ZNF500: variants seen among roughly 807,000 people sequenced by gnomAD.
The protein encoded by ZNF500 is zinc finger protein with KRAB and SCAN domains 18.
In ZNF500, 31 loss-of-function variants were observed where a neutral mutation model predicts 30.1. The ratio of observed to expected loss-of-function variants is 1.03; its 90% CI spans 0.77 to 1.39. The LOEUF (loss-of-function observed/expected upper bound fraction) is 1.39, where lower values mean the gene tolerates loss of function less well. Ranked by LOEUF, ZNF500 falls within the 40% of genes most tolerant of loss-of-function variation. The probability of loss-of-function intolerance (pLI) is 0.00; values close to 1 mark genes in which losing one functional copy is unlikely to be tolerated. For missense variants in ZNF500, 817 were observed against 657.8 expected, an observed-to-expected ratio of 1.24 and a Z score of -2.65; for synonymous variants, 392 against 282.0, an observed-to-expected ratio of 1.39 and a Z score of -3.91.
intron 5 of ZNF500, among the ~76,000 whole-genome samples, chr16:4,759,455 C>G (rs1339655066): frequency 6.6e-6 from 1 of 152,132 alleles, no homozygotes; most frequent in Non-Finnish European, 1.5e-5. Flanking sequence ...CCCACGTTCA[C>G]TGCAGCATTA....
intron 1 of ZNF500, among the ~76,000 whole-genome samples, chr16:4,766,634 G>C (rs2082267645): frequency 6.6e-6 from 1 of 152,118 alleles, no homozygotes; most frequent in South Asian, 2.1e-4. Flanking sequence ...CAATCTAAAA[G>C]GGATGTTTGC....
In ZNF500 at chr16:4,762,774, T is replaced by G; in HGVS notation, c.415-18A>C. The G allele has an allele frequency of 1.3e-6, 2 of 1,569,016 alleles. No individual in the cohort carries two copies. Among genetic ancestry groups the G allele is most frequent in the Non-Finnish European group, 1.7e-6 (2 of 1,153,610 alleles). On this transcript the variant is annotated intron_variant, in intron 2 of 5. Transcript: ENST00000219478. Reference sequence around the variant, plus strand: ...TCTGAGCCCTGCACACAGACAGTGATCTCCCCACCAGCTCCCAGAAGGCCA... The same window carrying G: ...TCTGAGCCCTGCACACAGACAGTGAGCTCCCCACCAGCTCCCAGAAGGCCA...
At chr16:4,747,644 T>G (rs773993049), downstream of ZNF500, 3 of 1,589,604 alleles carry the variant, frequency 1.9e-6, no homozygotes, top group Admixed American at 5.1e-5. Flanking sequence ...GGTAGTGGGA[T>G]CCCAGGAGTG....
rs1168183321 is a variant in ZNF500, at chr16:4,751,632, A to G, written c.*744T>C. 6.5e-7 allele frequency: 1 copy of G among 1,535,356 alleles called. No individual in the cohort carries two copies. Among genetic ancestry groups the G allele is most frequent in the Non-Finnish European group, 8.7e-7 (1 of 1,146,732 alleles). ...AGCAGACGAGGGGTCCCTCAAATTC[A>G]TGTGCACCCAGACCTCAGAATGTGA... On this transcript the variant is annotated 3_prime_UTR_variant, in exon 6 of 6. Transcript: ENST00000219478.
rs776857079 is a variant in ZNF500, at chr16:4,751,283, G to A, written c.*1093C>T. 24 of 371,270 alleles carry A rather than the reference G, an allele frequency of 6.5e-5. No individual in the cohort carries two copies. Among genetic ancestry groups the A allele is most frequent in the Admixed American group, 3.0e-4 (7 of 23,280 alleles). The allele number at this position is 371,270 out of a possible 1,614,324, so 23.0% of individuals were successfully genotyped here. On this transcript the variant is annotated 3_prime_UTR_variant, in exon 6 of 6. Transcript: ENST00000219478. ...AGCACAGGCCAGACAAAAGCTGGAA[G>A]GTGAAGGCTTCTTACCTTAGAAAGA...
chr16:4,766,022 C>A lies in ZNF500; in HGVS notation c.-44G>T, dbSNP rs200287480. The A allele has an allele frequency of 6.6e-7, 1 of 1,511,768 alleles. No individual in the cohort carries two copies. The highest frequency in any genetic ancestry group is 1.4e-5 in the African/African-American group (1 of 71,864). The allele number at this position is 1,511,768 out of a possible 1,614,324, so 93.6% of individuals were successfully genotyped here. On this transcript the variant is annotated 5_prime_UTR_variant, in exon 2 of 6. Coordinates refer to ENST00000219478, the MANE Select transcript of ZNF500 (RefSeq NM_021646.4). ...TTCCTTTTCAGGCCTTAGAGTTGAACCTGTCTCTCTCTATACCTCTGGCCA... is the reference window on the plus strand; with the variant it reads ...TTCCTTTTCAGGCCTTAGAGTTGAAACTGTCTCTCTCTATACCTCTGGCCA...
At chr16:4,763,932 G>C in intron 2 of ZNF500, 1 of 985,466 alleles carries the variant, frequency 1.0e-6, no homozygotes, top group Non-Finnish European at 1.2e-6. Context: ...AAGGCAGCTG[G>C]TCAGCACTGC....
downstream of ZNF500, chr16:4,746,635 C>G: frequency 7.6e-7 from 1 of 1,311,270 alleles, no homozygotes; most frequent in Non-Finnish European, 1.0e-6. Flanking sequence ...TGGATCAATT[C>G]TCAATTGAAA....
In ZNF500 at chr16:4,751,097, A is replaced by G. The variant is rs1392297048; in HGVS notation, c.*1279T>C. On this transcript the variant is annotated 3_prime_UTR_variant, in exon 6 of 6. Transcript: ENST00000219478. ...GGATGAAGGCCAAGGCCACCTACCTATGAGGAACAACCACTGCCTGGCTGG... is the reference window on the plus strand; with the variant it reads ...GGATGAAGGCCAAGGCCACCTACCTGTGAGGAACAACCACTGCCTGGCTGG... The G allele has an allele frequency of 6.4e-6, 1 of 156,296 alleles. No homozygotes were observed. Among genetic ancestry groups the G allele is most frequent in the Non-Finnish European group, 1.4e-5 (1 of 70,994 alleles). 9.7% of individuals were successfully genotyped at this position (156,296 alleles called of 1,614,324 possible). A position where few individuals can be genotyped will look rare whatever the true frequency, so the allele number is the denominator to read the frequency against.
rs2082262686 is a variant in ZNF500, at chr16:4,766,070, C to T, written c.-92G>A. On this transcript the variant is annotated 5_prime_UTR_variant, in exon 2 of 6. Transcript: ENST00000219478. ...CCAGACACAGGAAGAGAGTTTTTTT[C>T]AGGGCCCTGTGGAGAGACGATAAAA... 1 of 1,438,442 alleles carries T rather than the reference C, an allele frequency of 7.0e-7. No homozygotes were observed. Among genetic ancestry groups the T allele is most frequent in the Non-Finnish European group, 9.2e-7 (1 of 1,085,758 alleles). 89.1% of individuals were successfully genotyped at this position (1,438,442 alleles called of 1,614,324 possible).
At position 4,752,591 on chromosome 16, in the gene ZNF500, C is replaced by A; in HGVS notation, c.1228G>T (p.Ala410Ser). 1 of 1,590,318 alleles carries A rather than the reference C, an allele frequency of 6.3e-7. No homozygotes were observed. Among genetic ancestry groups the A allele is most frequent in the Non-Finnish European group, 8.6e-7 (1 of 1,169,154 alleles). The change falls in exon 6 of 6, where the codon GCC becomes TCC. Residue 410 changes from alanine (A) to serine (S), a missense_variant. Ala to Ser is a moderately conservative substitution (Grantham distance 99). Coordinates refer to ENST00000219478, the MANE Select transcript of ZNF500 (RefSeq NM_021646.4). ...AAGCGCTTCCCGCACTGGGTGCAGG[C>A]ATAGGGCCGCTCCCCGCTGTGTGTC... ...RRTHSGERPY[A>S]CTQCGKRFNN...
chr16:4,761,059 A>C (rs948776058), intron 4 of ZNF500, among the ~76,000 whole-genome samples: 5 of 152,204 alleles, frequency 3.3e-5, no homozygotes, highest in Non-Finnish European at 7.3e-5. Flanking sequence ...AGAGACAAGA[A>C]GGAGCTTTGT....
In ZNF500 at chr16:4,764,126, T is replaced by G. The variant is rs924902101; in HGVS notation, c.415-1370A>C. 39 of 984,212 alleles carry G rather than the reference T, an allele frequency of 4.0e-5. No homozygotes were observed. The African/African-American group carries it at 6.6e-4, about 17-fold the overall frequency. The allele number at this position is 984,212 out of a possible 1,614,324, so 61.0% of individuals were successfully genotyped here. ...GAGGCACTGTCTATAGAGATTTCGG[T>G]GTGTCAGAAGGGTCCTGTCTGTGCC... On this transcript the variant is annotated intron_variant, in intron 2 of 5. Transcript: ENST00000219478.
rs533530616 is a variant in ZNF500, at chr16:4,751,595, A to T, written c.*781T>A. 1.2e-4 allele frequency: 182 copies of T among 1,535,112 alleles called. No homozygotes were observed. Among genetic ancestry groups the T allele is most frequent in the Admixed American group, 5.9e-4 (30 of 50,978 alleles). ...CGTCCTGGGAAGGCTGGGGTACAGC[A>T]GGGCTCCCTGCAGCAGACGAGGGGT... On this transcript the variant is annotated 3_prime_UTR_variant, in exon 6 of 6. Transcript: ENST00000219478.
intron 2 of ZNF500, chr16:4,764,012 T>C: frequency 3.0e-6 from 3 of 985,398 alleles, no homozygotes; most frequent in Non-Finnish European, 3.6e-6. Context: ...TTCTTTCTAA[T>C]CTCAAGGAGT....
In ZNF500 at chr16:4,751,417, C is replaced by A. The variant is rs539974412; in HGVS notation, c.*959G>T. ...GATGTCAGGCCCGTCACATCCCAGG[C>A]AACATGTCAGGAAGATGGAACTCAG... On this transcript the variant is annotated 3_prime_UTR_variant, in exon 6 of 6. Coordinates refer to ENST00000219478, the MANE Select transcript of ZNF500 (RefSeq NM_021646.4). 2 of 673,188 alleles carry A rather than the reference C, an allele frequency of 3.0e-6. No homozygotes were observed. Among genetic ancestry groups the A allele is most frequent in the South Asian group, 2.0e-5 (1 of 50,236 alleles). The allele number at this position is 673,188 out of a possible 1,614,324, so 41.7% of individuals were successfully genotyped here.
chr16:4,747,115 G>A (rs541647329), downstream of ZNF500: 188 of 1,333,782 alleles, frequency 1.4e-4, 3 homozygotes, highest in South Asian at 2.5e-3. Flanking sequence ...ACCGCCTGTG[G>A]TGAGGTCTTG....
rs753759233 is a variant in ZNF500, at chr16:4,752,679, G to C, written c.1140C>G (p.Pro380=). ...THQRVHTGEK[P]YPCPECGKRF... ...GCTTCCCACACTCGGGGCACGGGTA[G>C]GGCTTCTCGCCTGTGTGCACCCTCT... is the stretch of plus-strand genomic sequence containing the variant. The change falls in exon 6 of 6, where the codon CCC becomes CCG. Residue 380 remains proline, a synonymous_variant. Coordinates refer to ENST00000219478, the MANE Select transcript of ZNF500 (RefSeq NM_021646.4). 7.7e-5 allele frequency: 125 copies of C among 1,613,960 alleles called. 1 individual carries two copies. In the Middle Eastern group the frequency reaches 9.9e-4, roughly 13 times the overall value.
chr16:4,747,253 G>C, downstream of ZNF500: 1 of 1,435,626 alleles, frequency 7.0e-7, no homozygotes, highest in Non-Finnish European at 9.4e-7. Context: ...ATGGGAGCTG[G>C]GCTCATCTGC....
Sources: gnomAD v4.1 joint callset for allele counts (sites outside exome capture counted in the v4.1 genomes callset) on GRCh38, gnomAD v4.1.1 for gene constraint, MANE v1.5 for transcripts, NCBI Gene and HGNC (gene_info 2026-07-23, HGNC 2026-07-21) for gene names.